Variants in LOC101059915 observed in about 807,000 individuals in gnomAD.
At chrX:71,669,033 G>A in the LOC101059915 span, 8 of 1,158,296 alleles carry the variant, frequency 6.9e-6, no homozygotes, top group South Asian at 7.8e-5. Flanking sequence ...AGGTCCCAAG[G>A]GCCCAAGTGA....
the LOC101059915 span, chrX:71,667,681 G>A: frequency 2.6e-5 from 19 of 721,945 alleles, no homozygotes; most frequent in East Asian, 2.2e-4. Flanking sequence ...GTATCAATTC[G>A]CTCTCAGGCT....
chrX:71,671,502 T>C, the LOC101059915 span: 2 of 306,874 alleles, frequency 6.5e-6, no homozygotes, highest in Admixed American at 5.3e-5. Flanking sequence ...TTCAAAGCAG[T>C]GTGAAATAAA....
chrX:71,670,319 C>T, the LOC101059915 span: 45 of 1,163,792 alleles, frequency 3.9e-5, no homozygotes, highest in African/African-American at 4.5e-4. Flanking sequence ...CCCCGGGAGC[C>T]CAGGGCTGTC....
chrX:71,667,993 A>G, the LOC101059915 span: 18 of 1,164,173 alleles, frequency 1.5e-5, no homozygotes, highest in African/African-American at 2.9e-4. Context: ...AGATCCCGAG[A>G]GCTTCAGCTT....
the LOC101059915 span, among the ~76,000 whole-genome samples, chrX:71,669,940 A>G: frequency 9.0e-6 from 1 of 111,563 alleles, no homozygotes; most frequent in East Asian, 2.8e-4. Context: ...CCACATTCCA[A>G]CTCTGGAAGG....
chrX:71,668,393 C>A, the LOC101059915 span: 26 of 1,153,333 alleles, frequency 2.3e-5, no homozygotes, highest in Non-Finnish European at 2.8e-5. Context: ...CAGCCCTCCG[C>A]GGAAGGCCCC....
chrX:71,668,262 T>C, the LOC101059915 span: 1 of 1,130,935 alleles, frequency 8.8e-7, no homozygotes, highest in Admixed American at 2.9e-5. Flanking sequence ...GCCCCAGCCC[T>C]GGAGAATGGC....
At chrX:71,670,489 T>C in the LOC101059915 span, 522 of 1,076,534 alleles carry the variant, frequency 4.8e-4, 3 homozygotes, top group African/African-American at 8.7e-3. Flanking sequence ...TTTGTGCCAA[T>C]CCACCTCACC....
the LOC101059915 span, chrX:71,670,849 G>A: frequency 2.5e-5 from 19 of 752,280 alleles, no homozygotes; most frequent in South Asian, 5.5e-4. Context: ...GCAATGTGTC[G>A]TCTGAACTCC....
At chrX:71,669,602 G>A in the LOC101059915 span, 11 of 965,275 alleles carry the variant, frequency 1.1e-5, no homozygotes, top group South Asian at 1.1e-4. Context: ...TCCGTGCGTC[G>A]TGGAGAATAC....
chrX:71,670,160 G>A, the LOC101059915 span: 1 of 1,059,212 alleles, frequency 9.4e-7, no homozygotes, highest in Non-Finnish European at 1.3e-6. Context: ...GGGGCAACAT[G>A]TTGCCAGCAG....
chrX:71,669,644 A>C, the LOC101059915 span: 1 of 968,521 alleles, frequency 1.0e-6, no homozygotes, highest in Non-Finnish European at 1.3e-6. Flanking sequence ...AGAGCTCCCC[A>C]AGTACTAGGA....
At chrX:71,670,309 C>T in the LOC101059915 span, 20 of 1,163,854 alleles carry the variant, frequency 1.7e-5, no homozygotes, top group Admixed American at 1.3e-4. Flanking sequence ...CAGCAGCAGC[C>T]CCCGGGAGCC....
chrX:71,669,158 C>G, the LOC101059915 span: 12 of 914,663 alleles, frequency 1.3e-5, no homozygotes, highest in Middle Eastern at 4.2e-4. Flanking sequence ...CATGCCCTCT[C>G]TATCCCTTGC....
chrX:71,670,956 T>C, the LOC101059915 span: 2 of 754,492 alleles, frequency 2.7e-6, no homozygotes, highest in Non-Finnish European at 3.1e-6. Flanking sequence ...ACTGCTTGTA[T>C]GGTGTTTGCT....
At chrX:71,668,143 C>A in the LOC101059915 span, 5 of 1,138,305 alleles carry the variant, frequency 4.4e-6, no homozygotes, top group East Asian at 1.6e-4. Flanking sequence ...CACCATCATG[C>A]CGCCGTCCAG....
chrX:71,668,140 A>C, the LOC101059915 span: 1 of 1,138,453 alleles, frequency 8.8e-7, no homozygotes, highest in Non-Finnish European at 1.2e-6. Flanking sequence ...AGCCACCATC[A>C]TGCCGCCGTC....
At chrX:71,671,212 A>G in the LOC101059915 span, 8 of 1,165,412 alleles carry the variant, frequency 6.9e-6, no homozygotes, top group Non-Finnish European at 9.2e-6. Context: ...TTCAGCTGCC[A>G]TGCAGTTCCT....
the LOC101059915 span, chrX:71,670,952 T>C: frequency 2.7e-6 from 2 of 752,676 alleles, no homozygotes; most frequent in African/African-American, 4.6e-5. Context: ...TGGTACTGCT[T>C]GTATGGTGTT....
Sources: gnomAD v4.1 joint callset for allele counts (sites outside exome capture counted in the v4.1 genomes callset) on GRCh38, gnomAD v4.1.1 for gene constraint, MANE v1.5 for transcripts.